The following PTPRU variants were observed in gnomAD, a reference collection of about 807,000 sequenced individuals.
PTPRU encodes receptor-type tyrosine-protein phosphatase U.
PTPRU carries 69 observed loss-of-function variants against 166.3 expected under a neutral mutation model. The observed-to-expected ratio is 0.41, with a 90% CI of 0.34 to 0.51. PTPRU has a LOEUF of 0.51. PTPRU is among the 20% of genes least tolerant of loss of function. The probability of loss-of-function intolerance (pLI) is 0.09; values close to 1 mark genes in which losing one functional copy is unlikely to be tolerated. For synonymous variants in PTPRU, 793 were observed against 814.0 expected, an observed-to-expected ratio of 0.97 and a Z score of 0.44; for missense variants, 1,657 against 2,013.7, an observed-to-expected ratio of 0.82 and a Z score of 3.39.
At chr1:29,278,973 GC>G (rs749021914) in intron 8 of PTPRU, 38 bp from the exon 9 acceptor site, 1 of 1,513,348 alleles carries the variant, frequency 6.6e-7, no homozygotes, top group Non-Finnish European at 9.0e-7. Context: ...TGGCACCAAA[GC>G]CCACTTTCCC....
chr1:29,259,387 G>C (rs1018738970), intron 4 of PTPRU, 45 bp downstream of exon 4: 3 of 1,609,616 alleles, frequency 1.9e-6, no homozygotes, highest in Non-Finnish European at 2.5e-6. Context: ...GGGTGTGGGC[G>C]GCCGCGGCTC....
In PTPRU at chr1:29,315,386, G is replaced by A. The variant is rs939145772; in HGVS notation, c.3242G>A (p.Arg1081His). The A allele has an allele frequency of 3.7e-6, 6 of 1,614,034 alleles. No individual in the cohort carries two copies. Among genetic ancestry groups the A allele is most frequent in the African/African-American group, 2.7e-5 (2 of 74,922 alleles). ...IVIHCSAGTGRTGCYIVLDVM... is the reference protein window; with the variant it reads ...IVIHCSAGTGHTGCYIVLDVM... ...TCTCTCTCCAGCGCGGGCACCGGCC[G>A]CACAGGTTGCTATATCGTCCTGGAT... The change falls in exon 23 of 30, where the codon CGC becomes CAC. Residue 1081 changes from arginine (R) to histidine (H), a missense_variant. Transcript: ENST00000373779. The surrounding 1 kb of genome is among the most constrained non-coding windows in gnomAD (Gnocchi z 4.5).
In PTPRU at chr1:29,317,637, CTCCA is replaced by C; in HGVS notation, c.3514-105_3514-102del. The C allele has an allele frequency of 8.0e-7, 1 of 1,249,506 alleles. No individual in the cohort carries two copies. Among genetic ancestry groups the C allele is most frequent in the South Asian group, 1.4e-5 (1 of 69,994 alleles). 77.4% of individuals were successfully genotyped at this position (1,249,506 alleles called of 1,614,324 possible). On this transcript the variant is annotated intron_variant, in intron 24 of 29. Transcript: ENST00000373779. The surrounding 1 kb of genome is among the most constrained non-coding windows in gnomAD (Gnocchi z 5.6). ...TACCCTTCTCTCTGGACCTCAGTTT[CTCCA>C]TCCATAAAATGGGATTAGTAACTCA...
chr1:29,309,974 C>T (rs1453257696), intron 18 of PTPRU, among the ~76,000 whole-genome samples: 1 of 152,156 alleles, frequency 6.6e-6, no homozygotes, highest in East Asian at 1.9e-4. Context: ...AAGATGAGGC[C>T]TTGTGGCAGG....
Position 29,320,671 on chromosome 1 carries a change from C to T in PTPRU, c.3688-14C>T, listed in dbSNP as rs371790351. 3.7e-5 allele frequency: 57 copies of T among 1,561,038 alleles called. No homozygotes were observed. In the African/African-American group the frequency reaches 5.3e-4, roughly 14 times the overall value. ...CCGGGAACAGGGCCCTGCTGAGTTCCGGTTTCCCTGCAGAGCTACACACGG... is the reference window on the plus strand; with the variant it reads ...CCGGGAACAGGGCCCTGCTGAGTTCTGGTTTCCCTGCAGAGCTACACACGG... On this transcript the variant is annotated splice_polypyrimidine_tract_variant and intron_variant, in intron 25 of 29. Transcript: ENST00000373779. The surrounding 1 kb of genome is among the most constrained non-coding windows in gnomAD (Gnocchi z 5.2).
At chr1:29,258,113 T>C (rs1395430087) in intron 2 of PTPRU, among the ~76,000 whole-genome samples, 1 of 152,096 alleles carries the variant, frequency 6.6e-6, no homozygotes, top group East Asian at 1.9e-4. Flanking sequence ...TACAGGCACA[T>C]GCTACCACAC....
At chr1:29,239,517 A>G (rs1354962135) in intron 1 of PTPRU, among the ~76,000 whole-genome samples, 1 of 152,094 alleles carries the variant, frequency 6.6e-6, no homozygotes, top group Non-Finnish European at 1.5e-5. Context: ...GAGCTCCTGG[A>G]CAGCCTGCTG....
At chr1:29,243,592 G>A (rs550288273) in intron 1 of PTPRU, among the ~76,000 whole-genome samples, 1 of 152,354 alleles carries the variant, frequency 6.6e-6, no homozygotes, top group South Asian at 2.1e-4. Context: ...TGTCACTGAT[G>A]CAGCGAAGCC....
At chr1:29,267,943 T>C (rs1183785879) in intron 7 of PTPRU, among the ~76,000 whole-genome samples, 2 of 152,190 alleles carry the variant, frequency 1.3e-5, no homozygotes, top group Admixed American at 1.3e-4. Context: ...TCTGGGTTTA[T>C]TTTAAAGGCA....
Position 29,279,807 on chromosome 1 carries a change from T to G in PTPRU, c.1765+150T>G. Reference sequence around the variant, plus strand: ...TGCCATTTAGGAGTTAAAGTCAGGCTCAGGGAGGATGAAGTCAGAGGAGTC... The same window carrying G: ...TGCCATTTAGGAGTTAAAGTCAGGCGCAGGGAGGATGAAGTCAGAGGAGTC... On this transcript the variant is annotated intron_variant, in intron 10 of 29. Transcript: ENST00000373779. The surrounding 1 kb of genome is among the most constrained non-coding windows in gnomAD (Gnocchi z 5.2). 1 of 1,073,978 alleles carries G rather than the reference T, an allele frequency of 9.3e-7. No homozygotes were observed. The highest frequency in any genetic ancestry group is 1.3e-6 in the Non-Finnish European group (1 of 741,328). The allele number at this position is 1,073,978 out of a possible 1,614,324, so 66.5% of individuals were successfully genotyped here. A position where few individuals can be genotyped will look rare whatever the true frequency, so the allele number is the denominator to read the frequency against.
chr1:29,320,497 C>T lies in PTPRU; in HGVS notation c.3688-188C>T. The T allele has an allele frequency of 3.6e-6, 2 of 555,410 alleles. No homozygotes were observed. Among genetic ancestry groups the T allele is most frequent in the South Asian group, 4.7e-5 (1 of 21,300 alleles). 34.4% of individuals were successfully genotyped at this position (555,410 alleles called of 1,614,324 possible). ...TGGGCTTGGTCCCCAGAGGCCTGGG[C>T]CCACCCTGTCAACCCAGGCCTCAGT... On this transcript the variant is annotated intron_variant, in intron 25 of 29. Transcript: ENST00000373779. The surrounding 1 kb of genome is among the most constrained non-coding windows in gnomAD (Gnocchi z 5.2).
chr1:29,308,800 G>A (rs1574707738), intron 18 of PTPRU, among the ~76,000 whole-genome samples: 1 of 152,034 alleles, frequency 6.6e-6, no homozygotes, highest in East Asian at 1.9e-4. Flanking sequence ...GAGGCGGGAG[G>A]ATTGCTTGAG....
Position 29,325,250 on chromosome 1 carries a change from G to A in PTPRU, c.4172G>A (p.Arg1391His), listed in dbSNP as rs757016780. Residue 1391 changes from arginine to histidine, a missense_variant, in exon 29 of 30, where the codon CGC becomes CAC. Coordinates refer to ENST00000373779, the MANE Select transcript of PTPRU (RefSeq NM_133178.4). ...TGCGCCACGGTCCTGGAGATGATCCGCTGCCACAACTTGGTGGACGTTTTC... is the reference window on the plus strand; with the variant it reads ...TGCGCCACGGTCCTGGAGATGATCCACTGCCACAACTTGGTGGACGTTTTC... Reference protein sequence around the residue: ...CACATVLEMIRCHNLVDVFFA... With the variant: ...CACATVLEMIHCHNLVDVFFA... 3.7e-6 allele frequency: 6 copies of A among 1,614,098 alleles called. No individual in the cohort carries two copies. Among genetic ancestry groups the A allele is most frequent in the Admixed American group, 3.3e-5 (2 of 60,012 alleles).
chr1:29,304,024 C>A lies in PTPRU; in HGVS notation c.2646C>A (p.Tyr882Ter). ...ACCAGATGAAGACGGCCGAGGGTTA[C>A]GGCTTCAAGCAGGAGTATGAGGTGC... ...HINQMKTAEG[Y>*]GFKQEYESFF... Residue 882 changes from tyrosine (Y) to a stop codon, truncating the protein, a stop_gained, in exon 16 of 30, where the codon TAC becomes TAA. Coordinates refer to ENST00000373779, the MANE Select transcript of PTPRU (RefSeq NM_133178.4). LOFTEE classifies it high-confidence loss of function. The A allele has an allele frequency of 6.2e-7, 1 of 1,609,942 alleles. No individual in the cohort carries two copies. The highest frequency in any genetic ancestry group is 8.5e-7 in the Non-Finnish European group (1 of 1,177,914).
At position 29,268,092 on chromosome 1, in the gene PTPRU, T is replaced by C. The variant is rs544312933; in HGVS notation, c.1144+7189T>C. Among the ~76,000 whole-genome samples the C allele has an allele frequency of 2.5e-4, 38 of 152,346 alleles. No individual in the cohort carries two copies. In the East Asian group the frequency reaches 5.6e-3, roughly 22 times the overall value. Reference sequence around the variant, plus strand: ...TCCTGGAGCGGACTGTGGTGGCAGCTGATTTGACGTGGGTGTCATAGATCA... The same window carrying C: ...TCCTGGAGCGGACTGTGGTGGCAGCCGATTTGACGTGGGTGTCATAGATCA... On this transcript the variant is annotated intron_variant, in intron 7 of 29. Coordinates refer to ENST00000373779, the MANE Select transcript of PTPRU (RefSeq NM_133178.4).
In PTPRU at chr1:29,290,560, G is replaced by A. The variant is rs767814423; in HGVS notation, c.2319-1309G>A. Among the ~76,000 whole-genome samples the A allele has an allele frequency of 3.9e-5, 6 of 152,156 alleles. No homozygotes were observed. The East Asian group carries it at 9.7e-4, about 25-fold the overall frequency. On this transcript the variant is annotated intron_variant, in intron 14 of 29. Coordinates refer to ENST00000373779, the MANE Select transcript of PTPRU (RefSeq NM_133178.4). ...CCCTCGAAGTGCAGGCCCAGAGGGCGCCAGGCCAGCCCTGAGGACAGTGGG... is the reference window on the plus strand; with the variant it reads ...CCCTCGAAGTGCAGGCCCAGAGGGCACCAGGCCAGCCCTGAGGACAGTGGG...
At chr1:29,283,220 T>A (rs1686177586) in intron 12 of PTPRU, among the ~76,000 whole-genome samples, 1 of 119,728 alleles carries the variant, frequency 8.4e-6, no homozygotes, top group African/African-American at 3.2e-5. Context: ...CCACCTCCCA[T>A]TGCCCCACCT....
chr1:29,251,492 A>C (rs1333691153), intron 1 of PTPRU, among the ~76,000 whole-genome samples: 1 of 152,198 alleles, frequency 6.6e-6, no homozygotes, highest in Non-Finnish European at 1.5e-5. Flanking sequence ...AGGGACAGTC[A>C]GCTGGGAGCC....
In PTPRU at chr1:29,315,987, C is replaced by T. The variant is rs776346067; in HGVS notation, c.3364-15C>T. On this transcript the variant is annotated splice_polypyrimidine_tract_variant and intron_variant, in intron 23 of 29. Transcript: ENST00000373779. This position sits in a 1 kb window ranked among gnomAD's most constrained non-coding sequence, Gnocchi z 4.5. ...CTAGGCCCCTCCTCGGCCTCATTCT[C>T]ATCTCCTGTTCCAGGAGCAGTACAT... is the stretch of plus-strand genomic sequence containing the variant. 4 of 1,613,712 alleles carry T rather than the reference C, an allele frequency of 2.5e-6. No individual in the cohort carries two copies. Among genetic ancestry groups the T allele is most frequent in the Admixed American group, 1.7e-5 (1 of 59,988 alleles).
Sources: gnomAD v4.1 joint callset for allele counts (sites outside exome capture counted in the v4.1 genomes callset) on GRCh38, gnomAD v4.1.1 for gene constraint, Gnocchi (gnomAD v3.1) non-coding constraint, MANE v1.5 for transcripts, NCBI Gene and HGNC (gene_info 2026-07-23, HGNC 2026-07-21) for gene names.